CCSER1: variants seen among roughly 807,000 people sequenced by gnomAD.
CCSER1 encodes the protein coiled-coil serine rich protein 1, also known as serine-rich coiled-coil domain-containing protein 1.
In CCSER1, 41 loss-of-function variants were observed where a neutral mutation model predicts 82.0. The ratio of observed to expected loss-of-function variants is 0.50; its 90% CI spans 0.39 to 0.65. CCSER1 has a LOEUF of 0.65. Among genes scored for constraint, CCSER1 ranks in the 30% least tolerant of loss-of-function variants. The pLI, the probability that CCSER1 is intolerant of heterozygous loss-of-function variation, is 0.00. For missense variants in CCSER1, 1,119 were observed against 1,064.2 expected (o/e 1.05, Z -0.72); for synonymous variants, 414 against 383.9 (o/e 1.08, Z -0.92).
At chr4:90,649,230 T>G (rs1183342045) in intron 6 of CCSER1, among the ~76,000 whole-genome samples, 2 of 152,142 alleles carry the variant, frequency 1.3e-5, no homozygotes, top group Non-Finnish European at 2.9e-5. Flanking sequence ...GATTCAGGTT[T>G]GAAATAGTAA....
intron 6 of CCSER1, among the ~76,000 whole-genome samples, chr4:90,629,380 G>A (rs954964812): frequency 1.3e-4 from 20 of 152,160 alleles, no homozygotes; most frequent in African/African-American, 4.3e-4. Flanking sequence ...ATATGGCTGG[G>A]GAGGCCTGAC....
At chr4:91,577,625 C>T (rs1254919543) in intron 10 of CCSER1, among the ~76,000 whole-genome samples, 1 of 151,860 alleles carries the variant, frequency 6.6e-6, no homozygotes, top group African/African-American at 2.4e-5. Flanking sequence ...TGTAGAAACA[C>T]CTTCAATGTA....
chr4:90,410,144 A>G (rs1207822466), intron 4 of CCSER1, among the ~76,000 whole-genome samples: 1 of 152,198 alleles, frequency 6.6e-6, no homozygotes, highest in Non-Finnish European at 1.5e-5. Flanking sequence ...GTACTTAGTG[A>G]CCTACAAAGA....
intron 9 of CCSER1, among the ~76,000 whole-genome samples, chr4:90,955,691 G>T (rs754556374): frequency 5.3e-5 from 8 of 152,126 alleles, no homozygotes; most frequent in Middle Eastern, 3.4e-3. Context: ...AGCTTCAAAA[G>T]ATGGTCTTAT....
intron 6 of CCSER1, among the ~76,000 whole-genome samples, chr4:90,719,052 C>G (rs1368207487): frequency 3.3e-5 from 5 of 151,940 alleles, no homozygotes; most frequent in Non-Finnish European, 7.4e-5. Context: ...TTCCTGGCCA[C>G]GGACCACTGG....
At chr4:90,740,286 T>C (rs772848975) in intron 7 of CCSER1, among the ~76,000 whole-genome samples, 5 of 152,162 alleles carry the variant, frequency 3.3e-5, no homozygotes, top group Non-Finnish European at 7.3e-5. Flanking sequence ...TTCTCTTGGT[T>C]CAGTCAAGAT....
intron 10 of CCSER1, among the ~76,000 whole-genome samples, chr4:91,197,543 A>C (rs2149060836): frequency 6.6e-6 from 1 of 152,292 alleles, no homozygotes; most frequent in South Asian, 2.1e-4. Context: ...TTAAAAGCTG[A>C]AGTAGTGTAA....
chr4:90,217,723 CTGTG>C (rs1741349077), intron 1 of CCSER1, among the ~76,000 whole-genome samples: 1 of 152,066 alleles, frequency 6.6e-6, no homozygotes, highest in Non-Finnish European at 1.5e-5. Context: ...ATGATATTGG[CTGTG>C]TGTTTGTTAT....
chr4:90,736,149 A>G (rs1410874520), intron 7 of CCSER1, among the ~76,000 whole-genome samples: 1 of 152,110 alleles, frequency 6.6e-6, no homozygotes, highest in African/African-American at 2.4e-5. Flanking sequence ...AGAGTTATTC[A>G]TGTGCTGAGG....
intron 10 of CCSER1, among the ~76,000 whole-genome samples, chr4:91,187,540 A>AT (rs199992295): frequency 0.022 from 1,835 of 81,670 alleles, 29 homozygotes; most frequent in African/African-American, 0.063. Context: ...AAATCAATAA[A>AT]TTTGTTTTTT....
rs1215833870 is a variant in CCSER1, at chr4:91,240,075, A to AT, written c.2217+154099dup. On this transcript the variant is annotated intron_variant, in intron 10 of 10. Coordinates refer to ENST00000509176, the MANE Select transcript of CCSER1 (RefSeq NM_001145065.2). Reference sequence around the variant, plus strand: ...ACTGAAATCTCTACTCATAAAATACATTTTTTTTTTTTTTTTTTGAGACAG... The same window carrying AT: ...ACTGAAATCTCTACTCATAAAATACATTTTTTTTTTTTTTTTTTTGAGACAG... Among the ~76,000 whole-genome samples, 183 of 44,494 alleles carry AT rather than the reference A, an allele frequency of 4.1e-3. 23 individuals carry two copies. The highest frequency in any genetic ancestry group is 0.013 in the South Asian group (14 of 1,054). The allele number at this position is 44,494 out of a possible 152,430, so 29.2% of individuals were successfully genotyped here.
rs550006845 is a variant in CCSER1, at chr4:91,310,078, A to T, written c.2217+224084A>T. Among the ~76,000 whole-genome samples, 4 of 151,950 alleles carry T rather than the reference A, an allele frequency of 2.6e-5. No individual in the cohort carries two copies. The South Asian group carries it at 8.3e-4, about 32-fold the overall frequency. On this transcript the variant is annotated intron_variant, in intron 10 of 10. Coordinates refer to ENST00000509176, the MANE Select transcript of CCSER1 (RefSeq NM_001145065.2). ...TCCTTATGTGGTTGTCTCTCTCCAA[A>T]TTTACCTTTTTAATAAAAACACTAG...
chr4:91,192,165 C>G (rs574345157), intron 10 of CCSER1, among the ~76,000 whole-genome samples: 1 of 152,152 alleles, frequency 6.6e-6, no homozygotes, highest in African/African-American at 2.4e-5. Flanking sequence ...CTTTTCCTAC[C>G]TCTGACTACT....
At chr4:90,740,143 A>T (rs1197614266) in intron 7 of CCSER1, among the ~76,000 whole-genome samples, 2 of 152,212 alleles carry the variant, frequency 1.3e-5, no homozygotes, top group Non-Finnish European at 2.9e-5. Flanking sequence ...AACTTCAAAG[A>T]ATTATGTTTT....
chr4:90,234,898 C>T (rs984111207), intron 1 of CCSER1: 5 of 152,050 alleles, frequency 3.3e-5, no homozygotes, highest in African/African-American at 1.2e-4. Context: ...CCGTCATGAC[C>T]ATTATGTTTC....
At chr4:90,268,876 CAAAAA>C (rs565151719) in intron 1 of CCSER1, among the ~76,000 whole-genome samples, 2 of 148,426 alleles carry the variant, frequency 1.3e-5, no homozygotes, top group Admixed American at 1.3e-4. Context: ...GAAATGGAAA[CAAAAA>C]AAAATAAGAG....
chr4:90,413,443 G>T (rs1267633017), intron 4 of CCSER1, among the ~76,000 whole-genome samples: 1 of 151,902 alleles, frequency 6.6e-6, no homozygotes, highest in Non-Finnish European at 1.5e-5. Flanking sequence ...GAACTAGAAA[G>T]AAAAAACCCT....
At chr4:90,259,082 T>TG (rs1723860903) in intron 1 of CCSER1, among the ~76,000 whole-genome samples, 1 of 152,204 alleles carries the variant, frequency 6.6e-6, no homozygotes, top group African/African-American at 2.4e-5. Context: ...AGTATGGTCA[T>TG]TTTCACAATA....
At chr4:91,037,271 C>T (rs879346328) in intron 9 of CCSER1, among the ~76,000 whole-genome samples, 3 of 151,638 alleles carry the variant, frequency 2.0e-5, no homozygotes, top group Non-Finnish European at 4.4e-5. Flanking sequence ...CATACACACA[C>T]ACACACACAC....
Sources: gnomAD v4.1 joint callset for allele counts (sites outside exome capture counted in the v4.1 genomes callset) on GRCh38, gnomAD v4.1.1 for gene constraint, MANE v1.5 for transcripts, NCBI Gene and HGNC (gene_info 2026-07-23, HGNC 2026-07-21) for gene names.